Variants in GALNT16 observed in about 807,000 individuals in gnomAD.
The protein encoded by GALNT16 is UDP-GalNAc:polypeptide N-acetylgalactosaminyltransferase-like protein 1.
GALNT16 carries 40 observed loss-of-function variants against 76.1 expected under a neutral mutation model. That is an observed-to-expected ratio of 0.53 (90% CI 0.41 to 0.68). GALNT16 has a LOEUF of 0.68. Ranked by LOEUF, GALNT16 falls within the 30% of genes least tolerant of loss-of-function variation. The pLI, the probability that GALNT16 is intolerant of heterozygous loss-of-function variation, is 0.00. For missense variants in GALNT16, 621 were observed against 731.9 expected (o/e 0.85, Z 1.75); for synonymous variants, 276 against 285.2 (o/e 0.97, Z 0.32).
intron 1 of GALNT16, among the ~76,000 whole-genome samples, chr14:69,266,995 T>G (rs964664673): frequency 6.6e-6 from 1 of 152,154 alleles, no homozygotes; most frequent in African/African-American, 2.4e-5. Flanking sequence ...CCTGCATAGG[T>G]GTTTCTGCCT....
chr14:69,307,835 G>A (rs753152392), intron 1 of GALNT16, among the ~76,000 whole-genome samples: 1 of 152,224 alleles, frequency 6.6e-6, no homozygotes, highest in African/African-American at 2.4e-5. Flanking sequence ...TCCTGGGAGT[G>A]TTCTGTGGTT....
At chr14:69,314,980 G>C (rs1437597322) in intron 1 of GALNT16, among the ~76,000 whole-genome samples, 1 of 152,190 alleles carries the variant, frequency 6.6e-6, no homozygotes, top group African/African-American at 2.4e-5. Context: ...AGTCAGAGCT[G>C]TTTAAATCTA....
intron 1 of GALNT16, among the ~76,000 whole-genome samples, chr14:69,296,825 A>C (rs1487834050): frequency 2.0e-5 from 3 of 151,220 alleles, no homozygotes; most frequent in Admixed American, 2.0e-4. Flanking sequence ...AGATAGATAG[A>C]TAGATAGATA....
At chr14:69,380,703 C>A in the GALNT16 span, 1 of 920,162 alleles carries the variant, frequency 1.1e-6, no homozygotes, top group Admixed American at 1.8e-5. Context: ...GTTTAAATCC[C>A]CAAATTATAA....
chr14:69,349,469 C>G (rs537294106), intron 14 of GALNT16: 15 of 152,472 alleles, frequency 9.8e-5, no homozygotes, highest in African/African-American at 3.6e-4. Context: ...GGTGCCTGTG[C>G]CCCTCTTCTC....
Position 69,338,764 on chromosome 14 carries a change from C to G in GALNT16, c.1081C>G (p.Leu361Val). 2 of 1,613,442 alleles carry G rather than the reference C, an allele frequency of 1.2e-6. No homozygotes were observed. The highest frequency in any genetic ancestry group is 3.3e-5 in the Admixed American group (2 of 59,968). ...CTACAACTTCCCTGAGGGTAATGCC[C>G]TCACCTACATCAGGTAGGTCACCGA... ...HPYNFPEGNA[L>V]TYIRNTKRTA... The change falls in exon 10 of 15, where the codon CTC becomes GTC. Residue 361 changes from leucine to valine, a missense_variant. Transcript: ENST00000448469.
At chr14:69,328,898 C>T (rs1014812837) in intron 6 of GALNT16, among the ~76,000 whole-genome samples, 2 of 152,158 alleles carry the variant, frequency 1.3e-5, no homozygotes, top group Non-Finnish European at 2.9e-5. Context: ...GGCTGGGAAG[C>T]CCTTGCAAGA....
At chr14:69,269,279 G>T (rs2044375258) in intron 1 of GALNT16, among the ~76,000 whole-genome samples, 2 of 152,014 alleles carry the variant, frequency 1.3e-5, no homozygotes, top group African/African-American at 4.8e-5. Context: ...GTTGTGTGTG[G>T]TATGTGTGGT....
intron 1 of GALNT16, among the ~76,000 whole-genome samples, chr14:69,295,212 G>A (rs751059302): frequency 9.9e-5 from 15 of 151,796 alleles, no homozygotes; most frequent in Non-Finnish European, 1.3e-4. Flanking sequence ...TCAGGAGTTC[G>A]AGACCAGCCT....
At chr14:69,372,357 C>T in the GALNT16 span, among the ~76,000 whole-genome samples, 1 of 149,800 alleles carries the variant, frequency 6.7e-6, no homozygotes, top group Non-Finnish European at 1.5e-5. Context: ...GACATAGAAT[C>T]TTATACAAAC....
intron 1 of GALNT16, among the ~76,000 whole-genome samples, chr14:69,296,732 A>AGATCGATAGATAGATC (rs553412908): frequency 1.3e-5 from 1 of 75,132 alleles, no homozygotes; most frequent in East Asian, 3.6e-4. Context: ...GATAGATGAT[A>AGATCGATAGATAGATC]GATAGATAGA....
At chr14:69,367,690 AG>A in the GALNT16 span, among the ~76,000 whole-genome samples, 1 of 145,722 alleles carries the variant, frequency 6.9e-6, no homozygotes, top group South Asian at 2.2e-4. Flanking sequence ...AATTCCATAC[AG>A]GAAGGCCAGG....
chr14:69,368,786 C>T, the GALNT16 span, among the ~76,000 whole-genome samples: 355 of 152,250 alleles, frequency 2.3e-3, 3 homozygotes, highest in African/African-American at 8.3e-3. Flanking sequence ...TTCTTGGGAT[C>T]TTTTAACTCG....
chr14:69,331,431 C>T (rs372915984), intron 6 of GALNT16, 33 bp from the exon 7 acceptor site: 68 of 1,243,014 alleles, frequency 5.5e-5, no homozygotes, highest in South Asian at 4.8e-4. Flanking sequence ...AGAGAAGTCC[C>T]AGGCCTCACA....
chr14:69,288,713 A>G (rs1298312858), intron 1 of GALNT16, among the ~76,000 whole-genome samples: 1 of 152,248 alleles, frequency 6.6e-6, no homozygotes, highest in African/African-American at 2.4e-5. Flanking sequence ...CAATCAACCC[A>G]GAACTCTGTA....
At chr14:69,383,526 G>T in the GALNT16 span, among the ~76,000 whole-genome samples, 1 of 152,090 alleles carries the variant, frequency 6.6e-6, no homozygotes. Context: ...AGAACAAAAA[G>T]GACATAACCA....
intron 11 of GALNT16, 90 bp from the exon 12 acceptor site, chr14:69,341,591 G>T (rs1425123258): frequency 2.5e-6 from 2 of 800,420 alleles, no homozygotes; most frequent in African/African-American, 3.4e-5. Flanking sequence ...GCCTGAGATA[G>T]TTGGGGCTGG....
At chr14:69,284,972 C>T (rs1486046388) in intron 1 of GALNT16, among the ~76,000 whole-genome samples, 4 of 152,022 alleles carry the variant, frequency 2.6e-5, no homozygotes, top group African/African-American at 9.7e-5. Flanking sequence ...CCTGAGGCCT[C>T]CCCAGCCATG....
At chr14:69,279,327 A>G (rs1161225549) in intron 1 of GALNT16, among the ~76,000 whole-genome samples, 1 of 152,208 alleles carries the variant, frequency 6.6e-6, no homozygotes, top group South Asian at 2.1e-4. Flanking sequence ...TACCTTGATT[A>G]CTGAGTTTTG....
Sources: allele counts gnomAD v4.1 joint callset (sites outside exome capture counted in the v4.1 genomes callset), GRCh38; gene constraint gnomAD v4.1.1; transcripts MANE v1.5; gene names NCBI Gene and HGNC (gene_info 2026-07-23, HGNC 2026-07-21).